Variants in PDK1 observed in about 807,000 individuals in gnomAD.
The protein encoded by PDK1 is [Pyruvate dehydrogenase (acetyl-transferring)] kinase isozyme 1, mitochondrial.
In PDK1, 39 loss-of-function variants were observed where a neutral mutation model predicts 54.2. That is an observed-to-expected ratio of 0.72 (90% CI 0.56 to 0.94). The LOEUF (loss-of-function observed/expected upper bound fraction) is 0.94, where lower values mean the gene tolerates loss of function less well. Ranked by LOEUF, PDK1 falls within the 40% of genes least tolerant of loss-of-function variation. PDK1 has a pLI of 0.00. For missense variants in PDK1, 552 were observed against 566.0 expected, an observed-to-expected ratio of 0.98 and a Z score of 0.25; for synonymous variants, 221 against 207.1, an observed-to-expected ratio of 1.07 and a Z score of -0.58.
chr2:172,604,362 C>CAT lies in PDK1; in HGVS notation c.*8398_*8399dup, dbSNP rs999258189. 20 of 152,182 alleles carry CAT rather than the reference C, an allele frequency of 1.3e-4. No homozygotes were observed. The highest frequency in any genetic ancestry group is 2.9e-5 in the Non-Finnish European group (2 of 68,038). 9.4% of individuals were successfully genotyped at this position (152,182 alleles called of 1,614,324 possible). ...AGTCACCGTACCTGGCCAGACATAG[C>CAT]ATATATCTTCCTTTACATAGATTGC... On this transcript the variant is annotated 3_prime_UTR_variant, in exon 11 of 11. Transcript: ENST00000282077.
chr2:172,673,690 A>C, the PDK1 span, among the ~76,000 whole-genome samples: 1 of 152,216 alleles, frequency 6.6e-6, no homozygotes, highest in Non-Finnish European at 1.5e-5. Context: ...AGCTCAACTT[A>C]ACATGTTTGT....
rs768620033 is a variant in PDK1, at chr2:172,566,967, G to C, written c.769+34G>C. 12 of 1,360,292 alleles carry C rather than the reference G, an allele frequency of 8.8e-6. No individual in the cohort carries two copies. The South Asian group carries it at 1.1e-4, about 12-fold the overall frequency. 84.3% of individuals were successfully genotyped at this position (1,360,292 alleles called of 1,614,324 possible). A position where few individuals can be genotyped will look rare whatever the true frequency, so the allele number is the denominator to read the frequency against. On this transcript the variant is annotated intron_variant, in intron 6 of 10. Coordinates refer to ENST00000282077, the MANE Select transcript of PDK1 (RefSeq NM_002610.5). ...GATGTTGTCTTTTTCTCAATAATTAGTGCTTTGATTACTTGATAAGGGATA... is the reference window on the plus strand; with the variant it reads ...GATGTTGTCTTTTTCTCAATAATTACTGCTTTGATTACTTGATAAGGGATA...
At chr2:172,657,950 A>G in the PDK1 span, among the ~76,000 whole-genome samples, 1 of 152,148 alleles carries the variant, frequency 6.6e-6, no homozygotes, top group African/African-American at 2.4e-5. Context: ...CTCCTGGTGG[A>G]AGGTGAAGGG....
chr2:172,616,577 T>C, the PDK1 span, among the ~76,000 whole-genome samples: 5 of 152,134 alleles, frequency 3.3e-5, no homozygotes, highest in Admixed American at 6.6e-5. Context: ...GTTGCATGGA[T>C]GGAATAGGGA....
In PDK1 at chr2:172,601,674, G is replaced by A. The variant is rs1558964749; in HGVS notation, c.*5705G>A. ...CTCAGGCAGTTCTTTATAGCAGTGT[G>A]GGGATGGACTAATACTCGCTGGGTT... On this transcript the variant is annotated 3_prime_UTR_variant, in exon 11 of 11. Coordinates refer to ENST00000282077, the MANE Select transcript of PDK1 (RefSeq NM_002610.5). The A allele has an allele frequency of 2.0e-5, 3 of 152,102 alleles. No individual in the cohort carries two copies. Among genetic ancestry groups the A allele is most frequent in the Non-Finnish European group, 2.9e-5 (2 of 68,024 alleles). The allele number at this position is 152,102 out of a possible 1,614,324, so 9.4% of individuals were successfully genotyped here. A position where few individuals can be genotyped will look rare whatever the true frequency, so the allele number is the denominator to read the frequency against.
chr2:172,617,086 A>T, the PDK1 span, among the ~76,000 whole-genome samples: 2 of 152,070 alleles, frequency 1.3e-5, no homozygotes, highest in African/African-American at 4.8e-5. Context: ...GGTGGCTAGG[A>T]TTACAGGCAT....
the PDK1 span, among the ~76,000 whole-genome samples, chr2:172,661,033 G>C: frequency 2.0e-5 from 3 of 152,220 alleles, no homozygotes; most frequent in Non-Finnish European, 4.4e-5. Context: ...TGGGGGGTTG[G>C]TATGGGTGTG....
At chr2:172,624,463 C>T in the PDK1 span, among the ~76,000 whole-genome samples, 3 of 152,130 alleles carry the variant, frequency 2.0e-5, no homozygotes, top group African/African-American at 4.8e-5. Flanking sequence ...GTTGCATGTT[C>T]CTTAGGAAAA....
the PDK1 span, among the ~76,000 whole-genome samples, chr2:172,654,394 A>G: frequency 4.6e-5 from 7 of 152,216 alleles, no homozygotes; most frequent in Non-Finnish European, 8.8e-5. Context: ...GATAGACTGG[A>G]TTAAGAAAAT....
chr2:172,703,653 A>G, the PDK1 span, among the ~76,000 whole-genome samples: 1 of 151,940 alleles, frequency 6.6e-6, no homozygotes, highest in African/African-American at 2.4e-5. Context: ...GTCATCTTAG[A>G]TAGGATGGTA....
intron 2 of PDK1, among the ~76,000 whole-genome samples, chr2:172,560,055 C>T (rs964311260): frequency 1.3e-5 from 2 of 152,286 alleles, no homozygotes; most frequent in East Asian, 1.9e-4. Context: ...ATGTTGCCTA[C>T]GCTGGCCTCA....
the PDK1 span, among the ~76,000 whole-genome samples, chr2:172,684,727 G>A: frequency 6.6e-6 from 1 of 152,186 alleles, no homozygotes; most frequent in African/African-American, 2.4e-5. Context: ...GAATCTGCTA[G>A]TTATTTTTAA....
At chr2:172,664,482 C>T in the PDK1 span, among the ~76,000 whole-genome samples, 1 of 151,816 alleles carries the variant, frequency 6.6e-6, no homozygotes, top group Admixed American at 6.6e-5. Flanking sequence ...AATAGTTTTA[C>T]TAGGTTCTGC....
intron 8 of PDK1, among the ~76,000 whole-genome samples, chr2:172,578,344 G>T (rs760999027): frequency 1.3e-5 from 2 of 151,930 alleles, no homozygotes; most frequent in Non-Finnish European, 2.9e-5. Flanking sequence ...TTTTCATTTC[G>T]TTTATTTTTC....
chr2:172,555,831 C>T (rs974840544), upstream of PDK1: 12 of 252,616 alleles, frequency 4.8e-5, no homozygotes, highest in South Asian at 1.3e-4. Context: ...ACGCTCACCC[C>T]ACACCTCGCC....
Position 172,591,095 on chromosome 2 carries a change from AGTT to A in PDK1, c.1057-1836_1057-1834del, listed in dbSNP as rs1374795718. ...GGTCAGTCCAGGGGTCCTTGATAGA[AGTT>A]GTTAGTTGAGTTCATTTGGGATTCC... On this transcript the variant is annotated intron_variant, in intron 9 of 10. Transcript: ENST00000282077. Among the ~76,000 whole-genome samples the A allele has an allele frequency of 6.6e-5, 10 of 152,148 alleles. 1 individual carries two copies. The highest frequency in any genetic ancestry group is 5.2e-4 in the Admixed American group (8 of 15,276).
chr2:172,580,812 G>T (rs1052871922), intron 8 of PDK1, among the ~76,000 whole-genome samples: 70 of 152,012 alleles, frequency 4.6e-4, no homozygotes, highest in Non-Finnish European at 4.7e-4. Flanking sequence ...CAAACTGGTT[G>T]TTGTAACATT....
chr2:172,614,372 A>G, the PDK1 span, among the ~76,000 whole-genome samples: 1 of 152,132 alleles, frequency 6.6e-6, no homozygotes, highest in South Asian at 2.1e-4. Context: ...ATGGCTGCCT[A>G]TGGACCAATC....
the PDK1 span, among the ~76,000 whole-genome samples, chr2:172,700,899 A>C: frequency 2.0e-5 from 3 of 152,176 alleles, no homozygotes; most frequent in Admixed American, 6.5e-5. Context: ...GGCACTCCGC[A>C]TGCCGAGGCA....
Sources: allele counts gnomAD v4.1 joint callset (sites outside exome capture counted in the v4.1 genomes callset), GRCh38; gene constraint gnomAD v4.1.1; transcripts MANE v1.5; gene names NCBI Gene and HGNC (gene_info 2026-07-23, HGNC 2026-07-21).